The following NFATC2 variants were observed in gnomAD, a reference collection of about 807,000 sequenced individuals.
NFATC2 encodes the protein nuclear factor of activated T cells 2.
In NFATC2, 22 loss-of-function variants were observed where a neutral mutation model predicts 87.3. That is an observed-to-expected ratio of 0.25 (90% confidence interval 0.18 to 0.36). NFATC2 has a LOEUF of 0.36. Among genes scored for constraint, NFATC2 ranks in the 10% least tolerant of loss-of-function variants. The pLI is 1.00. For missense variants in NFATC2, 1,149 were observed against 1,259.1 expected (o/e 0.91, Z 1.32); for synonymous variants, 565 against 542.2 (o/e 1.04, Z -0.58).
intron 6 of NFATC2, among the ~76,000 whole-genome samples, chr20:51,438,443 GA>G (rs11474098): frequency 1.0e-3 from 141 of 138,992 alleles, no homozygotes; most frequent in African/African-American, 3.4e-3. Context: ...AGCTTGCTTT[GA>G]AAAAAAAAAA....
intron 2 of NFATC2, 125 bp downstream of exon 2, chr20:51,522,956 C>T: frequency 1.5e-6 from 2 of 1,359,176 alleles, no homozygotes; most frequent in Non-Finnish European, 2.0e-6. Flanking sequence ...CAGCAAGGGG[C>T]CAAGCCAAGA....
intron 3 of NFATC2, among the ~76,000 whole-genome samples, chr20:51,484,068 C>G (rs993254153): frequency 6.6e-6 from 1 of 152,064 alleles, no homozygotes; most frequent in African/African-American, 2.4e-5. Context: ...TATGATCTGG[C>G]CCTGCTTCTC....
Position 51,432,622 on chromosome 20 carries a change from C to G in NFATC2, c.2167G>C (p.Ala723Pro). The G allele has an allele frequency of 6.5e-7, 1 of 1,531,448 alleles. No individual in the cohort carries two copies. Among genetic ancestry groups the G allele is most frequent in the East Asian group, 2.3e-5 (1 of 43,992 alleles). The allele number at this position is 1,531,448 out of a possible 1,614,324, so 94.9% of individuals were successfully genotyped here. A position where few individuals can be genotyped will look rare whatever the true frequency, so the allele number is the denominator to read the frequency against. ...MVAESPSCLV[A>P]TMAPCQQFRT... ...AACTGCTGGCAGGGAGCCATGGTGG[C>G]CACGAGGCAGGAGGGGGACTCGGCC... The change falls in exon 9 of 11, where the codon GCC becomes CCC. Residue 723 changes from alanine (A) to proline (P), a missense_variant. Transcript: ENST00000371564. The surrounding 1 kb of genome is among the most constrained non-coding windows in gnomAD (Gnocchi z 4.6).
At chr20:51,468,626 C>T (rs978455653) in intron 5 of NFATC2, among the ~76,000 whole-genome samples, 11 of 152,216 alleles carry the variant, frequency 7.2e-5, no homozygotes, top group Non-Finnish European at 1.3e-4. Context: ...TGCCTGTGGA[C>T]ATCTCCTGTC....
chr20:51,547,510 C>T (rs1004806166), upstream of NFATC2, among the ~76,000 whole-genome samples: 12 of 152,302 alleles, frequency 7.9e-5, no homozygotes, highest in Admixed American at 6.5e-4. Flanking sequence ...CCACCTACAG[C>T]TCTGCCTTCC....
intron 1 of NFATC2, among the ~76,000 whole-genome samples, chr20:51,540,928 C>T (rs1480601060): frequency 2.6e-5 from 4 of 152,052 alleles, no homozygotes; most frequent in South Asian, 2.1e-4. Flanking sequence ...GATATTAGTG[C>T]GGATCGTTTG....
chr20:51,491,916 A>ACACC (rs1423347332), intron 3 of NFATC2, among the ~76,000 whole-genome samples: 5 of 92,184 alleles, frequency 5.4e-5, no homozygotes, highest in Non-Finnish European at 1.0e-4. Flanking sequence ...ACACACACAC[A>ACACC]CACCCCTTGC....
intron 10 of NFATC2, among the ~76,000 whole-genome samples, chr20:51,394,386 C>G (rs1019192930): frequency 4.6e-5 from 1 of 21,862 alleles, no homozygotes; most frequent in Non-Finnish European, 8.1e-5. Context: ...TGTCTGTCCC[C>G]CCTCAGCACT....
At chr20:51,420,110 A>C (rs1376742808) in intron 9 of NFATC2, among the ~76,000 whole-genome samples, 3 of 152,158 alleles carry the variant, frequency 2.0e-5, no homozygotes, top group African/African-American at 7.2e-5. Flanking sequence ...TGGTAAATAA[A>C]GGGAAAGAAT....
intron 9 of NFATC2, among the ~76,000 whole-genome samples, chr20:51,405,180 G>A (rs1028038995): frequency 1.3e-5 from 2 of 152,172 alleles, no homozygotes; most frequent in Admixed American, 6.5e-5. Context: ...ACACCAGACA[G>A]GACATGCCCC....
chr20:51,534,631 C>G lies in NFATC2; in HGVS notation c.130+7739G>C, dbSNP rs1020912015. Among the ~76,000 whole-genome samples the G allele has an allele frequency of 3.9e-5, 6 of 152,294 alleles. No individual in the cohort carries two copies. The South Asian group carries it at 8.3e-4, about 21-fold the overall frequency. On this transcript the variant is annotated intron_variant, in intron 1 of 10. Transcript: ENST00000371564. ...TAGAGGCCTGAGCCACTGAGCCCGGCCTTCATTAATTTTTAAAATATGCAT... is the reference window on the plus strand; with the variant it reads ...TAGAGGCCTGAGCCACTGAGCCCGGGCTTCATTAATTTTTAAAATATGCAT...
chr20:51,450,881 C>T (rs1487799999), intron 6 of NFATC2, among the ~76,000 whole-genome samples: 1 of 152,228 alleles, frequency 6.6e-6, no homozygotes, highest in Non-Finnish European at 1.5e-5. Context: ...TATGAAATTT[C>T]TTCTGAAACC....
chr20:51,411,516 C>CTTTTTTTTTTTT (rs67935951), intron 9 of NFATC2, among the ~76,000 whole-genome samples: 2 of 87,250 alleles, frequency 2.3e-5, no homozygotes, highest in African/African-American at 8.4e-5. Context: ...ATGCAATTGT[C>CTTTTTTTTTTTT]TTTTTTTTTT....
intron 9 of NFATC2, among the ~76,000 whole-genome samples, chr20:51,400,717 C>T (rs535825152): frequency 3.5e-4 from 54 of 152,302 alleles, no homozygotes; most frequent in African/African-American, 7.2e-4. Flanking sequence ...CACCCTCCTC[C>T]GCAGGTGGCT....
intron 9 of NFATC2, among the ~76,000 whole-genome samples, chr20:51,418,694 G>T (rs554371633): frequency 7.7e-6 from 1 of 130,554 alleles, no homozygotes; most frequent in South Asian, 2.4e-4. Flanking sequence ...ACGGAGTCTC[G>T]CTCTGTCCCC....
chr20:51,497,798 G>A (rs2076014126), intron 3 of NFATC2, among the ~76,000 whole-genome samples: 1 of 152,062 alleles, frequency 6.6e-6, no homozygotes, highest in African/African-American at 2.4e-5. Flanking sequence ...CTGCTGCCTT[G>A]TTCAGAAAGG....
intron 3 of NFATC2, among the ~76,000 whole-genome samples, chr20:51,500,530 C>T (rs888932611): frequency 4.0e-5 from 6 of 151,552 alleles, no homozygotes; most frequent in Non-Finnish European, 8.8e-5. Context: ...CCTACCCACT[C>T]GTTTTAGGGC....
At chr20:51,394,277 C>T (rs1413384032) in intron 10 of NFATC2, among the ~76,000 whole-genome samples, 1 of 152,094 alleles carries the variant, frequency 6.6e-6, no homozygotes, top group African/African-American at 2.4e-5. Context: ...TCTGCTCAAC[C>T]ACTTCATGCA....
chr20:51,492,392 T>A (rs1281239593), intron 3 of NFATC2, among the ~76,000 whole-genome samples: 1 of 152,168 alleles, frequency 6.6e-6, no homozygotes, highest in Non-Finnish European at 1.5e-5. Context: ...CGGCATGACA[T>A]GGGCACGCCA....
Sources: gnomAD v4.1 joint callset for allele counts (sites outside exome capture counted in the v4.1 genomes callset) on GRCh38, gnomAD v4.1.1 for gene constraint, Gnocchi (gnomAD v3.1) non-coding constraint, MANE v1.5 for transcripts, NCBI Gene and HGNC (gene_info 2026-07-23, HGNC 2026-07-21) for gene names.